The following TBC1D24 variants were observed in gnomAD, a reference collection of about 807,000 sequenced individuals.
The protein encoded by TBC1D24 is Infantile myoclonic epilepsy.
TBC1D24 carries 47 observed loss-of-function variants against 50.7 expected under a neutral mutation model. The observed-to-expected ratio is 0.93, with a 90% CI of 0.73 to 1.18. The LOEUF (loss-of-function observed/expected upper bound fraction) is 1.18, where lower values mean the gene tolerates loss of function less well. TBC1D24 is among the 50% of genes most tolerant of loss of function. TBC1D24 has a pLI of 0.00. For missense variants in TBC1D24, 688 were observed against 766.5 expected (o/e 0.90, Z 1.21); for synonymous variants, 324 against 335.2 (o/e 0.97, Z 0.36).
rs373089816 is a variant in TBC1D24 at position 2,499,890 on chromosome 16, A to C, written c.1262A>C (p.Lys421Thr). Reference sequence around the variant, plus strand: ...AGTGAGAGAAATAAGTTTGGAGGCAAACTGGGCTTCTTTGGGACCGGAGAA... The same window carrying C: ...AGTGAGAGAAATAAGTTTGGAGGCACACTGGGCTTCTTTGGGACCGGAGAA... ...DWSERNKFGGKLGFFGTGECF... is the reference protein window; with the variant it reads ...DWSERNKFGGTLGFFGTGECF... The change falls in exon 6 of 8, where the codon AAA (lysine) becomes ACA (threonine). Residue 421 changes from lysine to threonine, a missense_variant. Transcript: ENST00000646147. The surrounding 1 kb of genome is among the most constrained non-coding windows in gnomAD (Gnocchi z 4.0). 7 of 1,613,940 alleles carry C rather than the reference A, an allele frequency of 4.3e-6. No individual in the cohort carries two copies. The highest frequency in any genetic ancestry group is 5.9e-6 in the Non-Finnish European group (7 of 1,179,978).
intron 1 of TBC1D24, chr16:2,478,981 C>T (rs919539462): frequency 1.3e-5 from 2 of 151,984 alleles, no homozygotes; most frequent in Admixed American, 6.6e-5. Flanking sequence ...CAGCCTCGAC[C>T]TCTCGGACTC....
chr16:2,495,090 C>T (rs965738237), intron 1 of TBC1D24, among the ~76,000 whole-genome samples: 6 of 152,114 alleles, frequency 3.9e-5, no homozygotes, highest in Admixed American at 1.3e-4. Context: ...CACTGGCTCA[C>T]ACTTGTAATC....
Position 2,498,176 on chromosome 16 carries a change from C to G in TBC1D24, c.984-62C>G, listed in dbSNP as rs1207910152. ...TCCAAAGAGGCTCTGGGGCATACCT[C>G]GGGGGGCATGGCCTGGCCCCAGACG... On this transcript the variant is annotated intron_variant, in intron 3 of 7. Transcript: ENST00000646147. The G allele has an allele frequency of 1.0e-5, 16 of 1,541,726 alleles. No homozygotes were observed. In the East Asian group the frequency reaches 3.9e-4, roughly 38 times the overall value.
At chr16:2,478,885 CTT>C (rs571299227) in intron 1 of TBC1D24, 10 of 137,082 alleles carry the variant, frequency 7.3e-5, no homozygotes, top group East Asian at 2.1e-4. Flanking sequence ...AGACTTTTTT[CTT>C]TTTTTTTTTT....
chr16:2,498,218 C>CCCCT lies in TBC1D24; in HGVS notation c.984-19_984-16dup. On this transcript the variant is annotated intron_variant, in intron 3 of 7. Coordinates refer to ENST00000646147, the MANE Select transcript of TBC1D24 (RefSeq NM_001199107.2). ...CCCCAGACGTGCCTTCGGGCTCTGA[C>CCCCT]CCCTGCTCGCTCCCCTCAGGCAGTT... The CCCCT allele has an allele frequency of 6.3e-7, 1 of 1,590,848 alleles. No individual in the cohort carries two copies. The highest frequency in any genetic ancestry group is 8.6e-7 in the Non-Finnish European group (1 of 1,167,836).
Position 2,487,554 on chromosome 16 carries a change from C to A in TBC1D24, c.-115-8480C>A, listed in dbSNP as rs1263348204. 6.6e-6 allele frequency among the ~76,000 whole-genome samples: 1 copy of A among 152,192 alleles called. No homozygotes were observed. Among genetic ancestry groups the A allele is most frequent in the Non-Finnish European group, 1.5e-5 (1 of 68,028 alleles). On this transcript the variant is annotated intron_variant, in intron 1 of 7. Transcript: ENST00000646147. The surrounding 1 kb of genome is among the most constrained non-coding windows in gnomAD (Gnocchi z 4.1). ...AAAATCACATTCCCCTCTGAAGAAG[C>A]GAGACGTGCAGAGGCCTCGTGACTC... is the stretch of plus-strand genomic sequence containing the variant.
chr16:2,498,227 G>C lies in TBC1D24; in HGVS notation c.984-11G>C. 6.3e-7 allele frequency: 1 copy of C among 1,599,082 alleles called. No individual in the cohort carries two copies. The highest frequency in any genetic ancestry group is 8.5e-7 in the Non-Finnish European group (1 of 1,172,390). ...TGCCTTCGGGCTCTGACCCCTGCTCGCTCCCCTCAGGCAGTTTGTACACTT... is the reference window on the plus strand; with the variant it reads ...TGCCTTCGGGCTCTGACCCCTGCTCCCTCCCCTCAGGCAGTTTGTACACTT... On this transcript the variant is annotated splice_polypyrimidine_tract_variant and intron_variant, in intron 3 of 7. Coordinates refer to ENST00000646147, the MANE Select transcript of TBC1D24 (RefSeq NM_001199107.2).
chr16:2,500,175 G>A lies in TBC1D24; in HGVS notation c.1303-93G>A. 1.5e-6 allele frequency: 2 copies of A among 1,319,324 alleles called. No individual in the cohort carries two copies. The highest frequency in any genetic ancestry group is 1.5e-5 in the African/African-American group (1 of 68,730). 81.7% of individuals were successfully genotyped at this position (1,319,324 alleles called of 1,614,324 possible). A position where few individuals can be genotyped will look rare whatever the true frequency, so the allele number is the denominator to read the frequency against. ...GGGCTGCACCCACCTTGGGCTCTGG[G>A]TGCAGATTCACGGGATGAAACGGGT... On this transcript the variant is annotated intron_variant, in intron 6 of 7. Coordinates refer to ENST00000646147, the MANE Select transcript of TBC1D24 (RefSeq NM_001199107.2). This position sits in a 1 kb window ranked among gnomAD's most constrained non-coding sequence, Gnocchi z 8.0.
At chr16:2,491,795 C>T (rs1369430517) in intron 1 of TBC1D24, among the ~76,000 whole-genome samples, 2 of 152,116 alleles carry the variant, frequency 1.3e-5, no homozygotes, top group Non-Finnish European at 2.9e-5. Flanking sequence ...CCCTGTGATC[C>T]ACCTGCCTCG....
rs1455240159 is a variant in TBC1D24, at chr16:2,475,405, C to A, written c.-116+235C>A. ...CGGGAGGGGGCGCAGGAGCGGGACC[C>A]CCTGGGCGCGAGGCCCGATCCCCGC... On this transcript the variant is annotated intron_variant, in intron 1 of 7. Transcript: ENST00000646147. The surrounding 1 kb of genome is among the most constrained non-coding windows in gnomAD (Gnocchi z 4.2). Among the ~76,000 whole-genome samples the A allele has an allele frequency of 1.3e-5, 2 of 151,870 alleles. No individual in the cohort carries two copies. Among genetic ancestry groups the A allele is most frequent in the South Asian group, 2.1e-4 (1 of 4,830 alleles).
intron 4 of TBC1D24, 33 bp downstream of exon 4, chr16:2,498,429 A>T (rs762195856): frequency 6.4e-7 from 1 of 1,572,258 alleles, no homozygotes; most frequent in Non-Finnish European, 8.6e-7. Context: ...CGGGCGGCAG[A>T]GCCGCCCAGC....
chr16:2,496,582 G>A lies in TBC1D24; in HGVS notation c.434G>A (p.Ser145Asn), dbSNP rs2141871675. The change falls in exon 2 of 8, where the codon AGC (serine) becomes AAC (asparagine). Residue 145 changes from serine to asparagine, a missense_variant. Ser to Asn is a conservative substitution (Grantham distance 46). Coordinates refer to ENST00000646147, the MANE Select transcript of TBC1D24 (RefSeq NM_001199107.2). ...PAVVALLLHY[S>N]IDEAECFEKA... ...GTGGTGGCCCTGCTGCTGCACTACA[G>A]CATCGACGAGGCCGAGTGCTTCGAG... The A allele has an allele frequency of 6.2e-7, 1 of 1,609,264 alleles. No homozygotes were observed. Among genetic ancestry groups the A allele is most frequent in the Non-Finnish European group, 8.5e-7 (1 of 1,180,000 alleles).
chr16:2,499,807 C>T lies in TBC1D24; in HGVS notation c.1207-28C>T. 1.3e-6 allele frequency: 2 copies of T among 1,598,744 alleles called. No homozygotes were observed. The highest frequency in any genetic ancestry group is 1.7e-6 in the Non-Finnish European group (2 of 1,166,030). ...AGGGACGCTCCTGGGGGCCTGCGGG[C>T]ACAGCCTCACCCAGACCTTTCCCCC... is the stretch of plus-strand genomic sequence containing the variant. On this transcript the variant is annotated intron_variant, in intron 5 of 7. Coordinates refer to ENST00000646147, the MANE Select transcript of TBC1D24 (RefSeq NM_001199107.2). The surrounding 1 kb of genome is among the most constrained non-coding windows in gnomAD (Gnocchi z 4.0).
chr16:2,487,644 T>C lies in TBC1D24; in HGVS notation c.-115-8390T>C, dbSNP rs138428822. 1.0e-4 allele frequency among the ~76,000 whole-genome samples: 15 copies of C among 146,268 alleles called. No homozygotes were observed. The highest frequency in any genetic ancestry group is 4.3e-4 in the South Asian group (2 of 4,686). Reference sequence around the variant, plus strand: ...TGGAGTTTGGTGTTGGAGTTTGGTGTTGGAGTTTGGTGCTGGAGTTTGGTG... The same window carrying C: ...TGGAGTTTGGTGTTGGAGTTTGGTGCTGGAGTTTGGTGCTGGAGTTTGGTG... On this transcript the variant is annotated intron_variant, in intron 1 of 7. Transcript: ENST00000646147. This position sits in a 1 kb window ranked among gnomAD's most constrained non-coding sequence, Gnocchi z 4.1.
intron 3 of TBC1D24, 71 bp downstream of exon 3, chr16:2,497,798 G>A (rs2065756403): frequency 5.5e-6 from 8 of 1,463,516 alleles, no homozygotes; most frequent in Admixed American, 2.0e-5. Context: ...CCAGCTGCTT[G>A]CTCTGGGTCT....
intron 1 of TBC1D24, among the ~76,000 whole-genome samples, chr16:2,495,004 A>T (rs941303168): frequency 3.0e-5 from 4 of 132,574 alleles, no homozygotes; most frequent in African/African-American, 6.9e-5. Context: ...AGACCCCATC[A>T]CACACACACA....
intron 1 of TBC1D24, chr16:2,478,333 G>C (rs551940764): frequency 6.6e-6 from 1 of 152,510 alleles, no homozygotes; most frequent in Admixed American, 6.5e-5. Context: ...AAGACTCTGA[G>C]ACAAGTGGTT....
At chr16:2,494,908 C>T (rs1043360746) in intron 1 of TBC1D24, among the ~76,000 whole-genome samples, 2 of 151,960 alleles carry the variant, frequency 1.3e-5, no homozygotes, top group South Asian at 2.1e-4. Flanking sequence ...AATGTGGCTG[C>T]GCAACGTGAC....
rs1236218883 is a variant in TBC1D24, at chr16:2,501,202, C to G, written c.*244C>G. The G allele has an allele frequency of 1.7e-6, 1 of 585,794 alleles. No individual in the cohort carries two copies. 36.3% of individuals were successfully genotyped at this position (585,794 alleles called of 1,614,324 possible). ...AGGGCCTGCTGTGCCCCCAGCCCCA[C>G]CCAGAGCTGGCATAGGAAGTACCTT... On this transcript the variant is annotated 3_prime_UTR_variant, in exon 8 of 8. Coordinates refer to ENST00000646147, the MANE Select transcript of TBC1D24 (RefSeq NM_001199107.2).
Sources: gnomAD v4.1 joint callset for allele counts (sites outside exome capture counted in the v4.1 genomes callset) on GRCh38, gnomAD v4.1.1 for gene constraint, Gnocchi (gnomAD v3.1) non-coding constraint, MANE v1.5 for transcripts, NCBI Gene and HGNC (gene_info 2026-07-23, HGNC 2026-07-21) for gene names.